The following WDR70 variants were observed in gnomAD, a reference collection of about 807,000 sequenced individuals.
WDR70 encodes WD repeat-containing protein 70.
WDR70 carries 53 observed loss-of-function variants against 88.6 expected under a neutral mutation model. The observed-to-expected ratio is 0.60, with a 90% CI of 0.48 to 0.75. WDR70 has a LOEUF of 0.75. Ranked by LOEUF, WDR70 falls within the 30% of genes least tolerant of loss-of-function variation. WDR70 has a pLI of 0.00. For synonymous variants in WDR70, 280 were observed against 270.0 expected (o/e 1.04, Z -0.36); for missense variants, 610 against 823.2 (o/e 0.74, Z 3.17).
chr5:37,638,396 A>AT (rs1360010655), intron 10 of WDR70, among the ~76,000 whole-genome samples: 1 of 152,130 alleles, frequency 6.6e-6, no homozygotes, highest in African/African-American at 2.4e-5. Flanking sequence ...TTATTAGCTG[A>AT]TTGAGTTTTT....
intron 7 of WDR70, among the ~76,000 whole-genome samples, chr5:37,474,996 G>A (rs1020878575): frequency 3.3e-5 from 5 of 149,938 alleles, no homozygotes; most frequent in East Asian, 2.0e-4. Context: ...TCAGCTCACC[G>A]CAATCTGCAC....
intron 7 of WDR70, among the ~76,000 whole-genome samples, chr5:37,468,413 T>C (rs62361483): frequency 0.42 from 63,222 of 152,024 alleles, 15,292 homozygotes; most frequent in Non-Finnish European, 0.54. Context: ...TCCTACCACA[T>C]GGAGATAATT....
chr5:37,557,553 T>A (rs1309000154), intron 9 of WDR70, among the ~76,000 whole-genome samples: 2 of 152,134 alleles, frequency 1.3e-5, no homozygotes, highest in Admixed American at 6.5e-5. Context: ...TCCTTTTTTC[T>A]TCTCTTCCTC....
chr5:37,614,980 C>G (rs1432722813), intron 10 of WDR70, among the ~76,000 whole-genome samples: 1 of 151,534 alleles, frequency 6.6e-6, no homozygotes, highest in Non-Finnish European at 1.5e-5. Flanking sequence ...ACTAGTACAA[C>G]CAAGAAACTA....
chr5:37,655,191 C>T (rs777369736), intron 10 of WDR70, among the ~76,000 whole-genome samples: 24 of 152,124 alleles, frequency 1.6e-4, no homozygotes, highest in Non-Finnish European at 3.1e-4. Flanking sequence ...TTTTATTTCT[C>T]CTTCGCTTAT....
intron 10 of WDR70, among the ~76,000 whole-genome samples, chr5:37,608,858 C>T (rs1744108311): frequency 1.3e-5 from 2 of 152,116 alleles, no homozygotes; most frequent in African/African-American, 4.8e-5. Context: ...TGCACCTGGC[C>T]CTCTTTATTG....
intron 9 of WDR70, among the ~76,000 whole-genome samples, chr5:37,541,917 C>T (rs560828157): frequency 6.6e-6 from 1 of 152,304 alleles, no homozygotes; most frequent in African/African-American, 2.4e-5. Flanking sequence ...TAAAAACTTT[C>T]ACTGGCAATG....
chr5:37,738,227 G>A (rs1280895870), intron 17 of WDR70, among the ~76,000 whole-genome samples: 5 of 152,114 alleles, frequency 3.3e-5, no homozygotes, highest in Admixed American at 1.3e-4. Context: ...TGAAAGTCAT[G>A]GCTATAATTG....
chr5:37,594,103 G>A (rs1445475981), intron 9 of WDR70, among the ~76,000 whole-genome samples: 1 of 152,160 alleles, frequency 6.6e-6, no homozygotes, highest in African/African-American at 2.4e-5. Flanking sequence ...CAGGTTGCCT[G>A]TTCACTCTGA....
At chr5:37,743,164 TG>T (rs1234567555) in intron 17 of WDR70, among the ~76,000 whole-genome samples, 2 of 152,198 alleles carry the variant, frequency 1.3e-5, no homozygotes, top group African/African-American at 4.8e-5. Context: ...AGGAAGGGCA[TG>T]TGGCGCAGCA....
chr5:37,721,269 A>C, intron 14 of WDR70, 54 bp downstream of exon 14: 3 of 1,492,256 alleles, frequency 2.0e-6, no homozygotes, highest in Non-Finnish European at 2.8e-6. Context: ...GGGGGGAGGG[A>C]TTTCCCTCCC....
chr5:37,405,761 A>G (rs1749333780), intron 5 of WDR70, among the ~76,000 whole-genome samples: 1 of 152,204 alleles, frequency 6.6e-6, no homozygotes, highest in Non-Finnish European at 1.5e-5. Flanking sequence ...AAAGGATTTA[A>G]TGGACTGGTC....
chr5:37,488,095 T>A (rs12521993), intron 8 of WDR70, among the ~76,000 whole-genome samples: 6 of 143,182 alleles, frequency 4.2e-5, no homozygotes, highest in East Asian at 4.1e-4. Flanking sequence ...TTTTTTTTTT[T>A]CCTTTCAGCA....
intron 4 of WDR70, among the ~76,000 whole-genome samples, chr5:37,392,763 G>A (rs544101214): frequency 6.6e-6 from 1 of 151,896 alleles, no homozygotes; most frequent in South Asian, 2.1e-4. Context: ...TCCTGCCTTA[G>A]CCTCCCAAGT....
At chr5:37,559,379 C>T (rs1742416636) in intron 9 of WDR70, among the ~76,000 whole-genome samples, 1 of 152,192 alleles carries the variant, frequency 6.6e-6, no homozygotes, top group Non-Finnish European at 1.5e-5. Flanking sequence ...TACCTCCTTT[C>T]TGTCTTCCTC....
chr5:37,452,228 C>G (rs1738698027), intron 7 of WDR70, among the ~76,000 whole-genome samples: 1 of 151,192 alleles, frequency 6.6e-6, no homozygotes, highest in Non-Finnish European at 1.5e-5. Flanking sequence ...GAGTCAAACT[C>G]TCATATGCCA....
At chr5:37,712,376 A>G (rs558592811) in intron 13 of WDR70, among the ~76,000 whole-genome samples, 12 of 152,058 alleles carry the variant, frequency 7.9e-5, no homozygotes, top group East Asian at 3.9e-4. Flanking sequence ...CTTTTTTCAG[A>G]TTCATTGCAA....
At chr5:37,514,356 A>ATATATATATATATATATATATATATG (rs771375976) in intron 8 of WDR70, among the ~76,000 whole-genome samples, 38 of 54,372 alleles carry the variant, frequency 7.0e-4, no homozygotes, top group Non-Finnish European at 1.4e-3. Flanking sequence ...ATATATATAT[A>ATATATATATATATATATATATATATG]TATGTATGTA....
At chr5:37,470,976 C>T (rs2112132720) in intron 7 of WDR70, among the ~76,000 whole-genome samples, 1 of 151,934 alleles carries the variant, frequency 6.6e-6, no homozygotes, top group Admixed American at 6.6e-5. Flanking sequence ...CAACCTCTGT[C>T]TCCTGGGTTC....
Sources: allele counts gnomAD v4.1 joint callset (sites outside exome capture counted in the v4.1 genomes callset), GRCh38; gene constraint gnomAD v4.1.1; transcripts MANE v1.5; gene names NCBI Gene and HGNC (gene_info 2026-07-23, HGNC 2026-07-21).